NFIC: variants seen among roughly 807,000 people sequenced by gnomAD.
The protein encoded by NFIC is nuclear factor 1 C-type.
Under a neutral mutation model 54.4 loss-of-function variants are expected in NFIC, and 12 were observed. The observed-to-expected ratio is 0.22, with a 90% CI of 0.14 to 0.36. NFIC has a LOEUF of 0.36. Ranked by LOEUF, NFIC falls within the 10% of genes least tolerant of loss-of-function variation. The pLI, the probability that NFIC is intolerant of heterozygous loss-of-function variation, is 1.00. For missense variants in NFIC, 575 were observed against 718.2 expected, an observed-to-expected ratio of 0.80 and a Z score of 2.28; for synonymous variants, 322 against 319.2, an observed-to-expected ratio of 1.01 and a Z score of -0.09.
chr19:3,417,703 G>T (rs1284821697), intron 2 of NFIC, among the ~76,000 whole-genome samples: 1 of 144,898 alleles, frequency 6.9e-6, no homozygotes, highest in Non-Finnish European at 1.5e-5. Flanking sequence ...TCGGCTCACT[G>T]CAACCTCTGC....
At chr19:3,379,638 G>A (rs1311323485) in intron 1 of NFIC, among the ~76,000 whole-genome samples, 2 of 149,966 alleles carry the variant, frequency 1.3e-5, no homozygotes, top group East Asian at 2.0e-4. Context: ...GAGCCACTGC[G>A]CCCAGCCTCA....
rs780790995 is a variant in NFIC at position 3,445,006 on chromosome 19, CAT to C, written c.959-4006_959-4005del. 2.4e-3 allele frequency among the ~76,000 whole-genome samples: 360 copies of C among 151,942 alleles called. 4 individuals are homozygous for C. The highest frequency in any genetic ancestry group is 8.2e-3 in the African/African-American group (339 of 41,208). On this transcript the variant is annotated intron_variant, in intron 6 of 10. Coordinates refer to ENST00000443272, the MANE Select transcript of NFIC (RefSeq NM_001245002.2). ...GCACACGCATGTGCGCATTCACACA[CAT>C]AGACACGTGCACAGGCATACACATA... is the stretch of plus-strand genomic sequence containing the variant.
At chr19:3,378,755 C>T (rs73522119) in intron 1 of NFIC, among the ~76,000 whole-genome samples, 22,547 of 152,116 alleles carry the variant, frequency 0.15, 1,750 homozygotes, top group East Asian at 0.2. Context: ...CTGCAGGGAA[C>T]GGGGTGGCCC....
intron 2 of NFIC, among the ~76,000 whole-genome samples, chr19:3,397,676 C>T (rs1437620066): frequency 3.4e-5 from 2 of 57,974 alleles, no homozygotes; most frequent in African/African-American, 6.4e-5. Context: ...CCGGAGGTGG[C>T]GGCAACGGGG....
rs2082745822 is a variant in NFIC, at chr19:3,468,455, C to G, written c.*5686C>G. On this transcript the variant is annotated 3_prime_UTR_variant, in exon 11 of 11. Transcript: ENST00000443272. ...GGCCCCCCCAAAACCAAAGCCCCCT[C>G]AAGTCCTGGGGTCCCAGCCTGTGCC... 3.3e-5 allele frequency: 5 copies of G among 152,154 alleles called. No individual in the cohort carries two copies. The highest frequency in any genetic ancestry group is 3.3e-4 in the Admixed American group (5 of 15,240). 9.4% of individuals were successfully genotyped at this position (152,154 alleles called of 1,614,324 possible).
At chr19:3,428,693 G>A (rs973466033) in intron 3 of NFIC, among the ~76,000 whole-genome samples, 6 of 152,258 alleles carry the variant, frequency 3.9e-5, no homozygotes, top group African/African-American at 1.2e-4. Context: ...TGGGGGCAGC[G>A]GCGCTTGGCC....
intron 1 of NFIC, among the ~76,000 whole-genome samples, chr19:3,381,416 T>A (rs951471971): frequency 5.8e-4 from 67 of 116,300 alleles, no homozygotes; most frequent in South Asian, 1.1e-3. Context: ...AAAAAAAAAA[T>A]GATCCTCCAC....
At chr19:3,437,497 C>T (rs529710529) in intron 6 of NFIC, among the ~76,000 whole-genome samples, 3 of 152,270 alleles carry the variant, frequency 2.0e-5, no homozygotes, top group Non-Finnish European at 4.4e-5. Flanking sequence ...GGGTCTCCAT[C>T]CCTCAGGGGA....
upstream of NFIC, among the ~76,000 whole-genome samples, chr19:3,363,999 G>T (rs938574003): frequency 6.6e-6 from 1 of 152,234 alleles, no homozygotes; most frequent in African/African-American, 2.4e-5. Context: ...GTCCCAGCCT[G>T]TGTTGGGATT....
rs1053560024 is a variant in NFIC at position 3,462,835 on chromosome 19, C to T, written c.*66C>T. 6.2e-7 allele frequency: 1 copy of T among 1,611,080 alleles called. No homozygotes were observed. Among genetic ancestry groups the T allele is most frequent in the Non-Finnish European group, 8.5e-7 (1 of 1,179,242 alleles). On this transcript the variant is annotated 3_prime_UTR_variant, in exon 11 of 11. Coordinates refer to ENST00000443272, the MANE Select transcript of NFIC (RefSeq NM_001245002.2). ...AATCCCAGGGGGCAGCACAGCCGGC[C>T]CCCGGCCCACGTTTTCGGTGGAAAA...
chr19:3,401,795 C>T (rs894891561), intron 2 of NFIC, among the ~76,000 whole-genome samples: 1 of 150,964 alleles, frequency 6.6e-6, no homozygotes, highest in Admixed American at 6.6e-5. Context: ...GATCTCAGCT[C>T]ACTACAACCT....
intron 6 of NFIC, among the ~76,000 whole-genome samples, chr19:3,439,775 G>A (rs2082264053): frequency 7.3e-6 from 1 of 136,318 alleles, no homozygotes. Context: ...TGCAAGCTCC[G>A]CCTCCCGGGT....
At chr19:3,372,210 G>A (rs1441496186) in intron 1 of NFIC, among the ~76,000 whole-genome samples, 4 of 151,992 alleles carry the variant, frequency 2.6e-5, no homozygotes, top group African/African-American at 7.2e-5. Context: ...TAGTAGAGAC[G>A]GGGTTTCACC....
chr19:3,449,135 C>G lies in NFIC; in HGVS notation c.1080C>G (p.His360Gln). 1 of 1,612,188 alleles carries G rather than the reference C, an allele frequency of 6.2e-7. No individual in the cohort carries two copies. Among genetic ancestry groups the G allele is most frequent in the Non-Finnish European group, 8.5e-7 (1 of 1,179,054 alleles). Residue 360 changes from histidine (H) to glutamine (Q), a missense_variant, in exon 7 of 11, where the codon CAC (histidine) becomes CAG (glutamine). Physicochemically the swap from His to Gln is conservative, Grantham distance 24 (BLOSUM62 0). This residue lies in a region of NFIC where 447 missense variants were observed against 526.9 expected (regional missense o/e 0.85). Coordinates refer to ENST00000443272, the MANE Select transcript of NFIC (RefSeq NM_001245002.2). ...ACCACCGGCCCGTCATCGCCGTGCACAGCGGTAAGCGCCACGGGCCCCTGG... is the reference window on the plus strand; with the variant it reads ...ACCACCGGCCCGTCATCGCCGTGCAGAGCGGTAAGCGCCACGGGCCCCTGG... ...TQHHRPVIAV[H>Q]SGIARSPHPS...
intron 2 of NFIC, among the ~76,000 whole-genome samples, chr19:3,413,794 G>T (rs575986856): frequency 6.6e-6 from 1 of 151,990 alleles, no homozygotes; most frequent in South Asian, 2.1e-4. Flanking sequence ...GCACCACCAC[G>T]CCAGGCTAGT....
Position 3,453,254 on chromosome 19 carries a change from G to T in NFIC, c.1270-509G>T, listed in dbSNP as rs1296838422. Among the ~76,000 whole-genome samples, 1 of 152,010 alleles carries T rather than the reference G, an allele frequency of 6.6e-6. No individual in the cohort carries two copies. The highest frequency in any genetic ancestry group is 2.4e-5 in the African/African-American group (1 of 41,408). ...ACCCTGTCTCAAAAAGAAAAAAAAG[G>T]TTGGGGGGCGGGGGGCAGGAAGACA... On this transcript the variant is annotated intron_variant, in intron 8 of 10. Transcript: ENST00000443272. This position sits in a 1 kb window ranked among gnomAD's most constrained non-coding sequence, Gnocchi z 6.7.
At position 3,382,149 on chromosome 19, in the gene NFIC, G is replaced by A. The variant is rs375768351; in HGVS notation, c.468G>A (p.Gln156=). The A allele has an allele frequency of 1.6e-5, 26 of 1,613,270 alleles. No homozygotes were observed. The African/African-American group carries it at 2.4e-4, about 15-fold the overall frequency. Residue 156 remains glutamine (Q), a synonymous_variant, in exon 2 of 11, where the codon CAG becomes CAA. Coordinates refer to ENST00000443272, the MANE Select transcript of NFIC (RefSeq NM_001245002.2). ...TDGERLVKAA[Q]CGHPVLCVQP... is the part of the protein sequence containing the mutation. ...GCGAGCGCCTGGTCAAGGCTGCGCA[G>A]TGCGGTCACCCGGTCCTGTGCGTGC...
intron 3 of NFIC, among the ~76,000 whole-genome samples, chr19:3,426,754 G>A (rs998596727): frequency 2.0e-5 from 3 of 152,006 alleles, no homozygotes; most frequent in African/African-American, 7.2e-5. Context: ...CAGTGCACCA[G>A]ACCCAGTCCT....
chr19:3,445,867 C>T (rs954549798), intron 6 of NFIC, among the ~76,000 whole-genome samples: 2 of 152,166 alleles, frequency 1.3e-5, no homozygotes, highest in African/African-American at 4.8e-5. Context: ...AGACCCAAGA[C>T]ACGGTGACAT....
Sources: allele counts gnomAD v4.1 joint callset (sites outside exome capture counted in the v4.1 genomes callset), GRCh38; gene constraint gnomAD v4.1.1; regional missense constraint gnomAD v4.1.1; non-coding constraint Gnocchi (gnomAD v3.1); transcripts MANE v1.5; gene names NCBI Gene and HGNC (gene_info 2026-07-23, HGNC 2026-07-21).